C2CD2: variants seen among roughly 807,000 people sequenced by gnomAD.
C2CD2 encodes the protein C2 domain-containing protein 2.
Under a neutral mutation model 74.3 loss-of-function variants are expected in C2CD2, and 43 were observed. That is an observed-to-expected ratio of 0.58 (90% CI 0.45 to 0.75). The LOEUF (loss-of-function observed/expected upper bound fraction) is 0.75. Among genes scored for constraint, C2CD2 ranks in the 30% least tolerant of loss-of-function variants. The probability of loss-of-function intolerance (pLI) is 0.00; values close to 1 mark genes in which losing one functional copy is unlikely to be tolerated. For missense variants in C2CD2, 801 were observed against 916.3 expected, an observed-to-expected ratio of 0.87 and a Z score of 1.63; for synonymous variants, 422 against 390.7, an observed-to-expected ratio of 1.08 and a Z score of -0.94.
Position 41,921,992 on chromosome 21 carries a change from G to A in C2CD2, c.472C>T (p.Leu158Phe). ...GAGCRLYDMR[L>F]SPFHLQLEFH... ...TTTACCTGTAAATGGAAAGGGGAGA[G>A]CCGCATGTCGTACAGCCGGCATCCA... Residue 158 changes from leucine to phenylalanine, a missense_variant, in exon 3 of 14, where the codon CTC becomes TTC. Coordinates refer to ENST00000380486, the MANE Select transcript of C2CD2 (RefSeq NM_015500.2). 2.5e-6 allele frequency: 4 copies of A among 1,612,356 alleles called. No homozygotes were observed. Among genetic ancestry groups the A allele is most frequent in the Non-Finnish European group, 3.4e-6 (4 of 1,178,422 alleles).
chr21:41,941,172 T>C (rs973345116), intron 2 of C2CD2, among the ~76,000 whole-genome samples: 1 of 151,844 alleles, frequency 6.6e-6, no homozygotes, highest in African/African-American at 2.4e-5. Context: ...TTAGGCAACA[T>C]AGCAAGACCC....
chr21:41,920,840 T>G (rs1165903842), intron 3 of C2CD2, among the ~76,000 whole-genome samples: 3 of 152,278 alleles, frequency 2.0e-5, no homozygotes. Flanking sequence ...TCTTCATTTG[T>G]GTTTGTGATC....
rs2065178251 is a variant in C2CD2 at position 41,923,552 on chromosome 21, GA to G, written c.379-1468del. Reference sequence around the variant, plus strand: ...GTTTTCAAAAAGGTGGGAGTAATTGGAAAAACATACAAAGTATCAAACAATT... The same window carrying G: ...GTTTTCAAAAAGGTGGGAGTAATTGGAAAACATACAAAGTATCAAACAATT... On this transcript the variant is annotated intron_variant, in intron 2 of 13. Coordinates refer to ENST00000380486, the MANE Select transcript of C2CD2 (RefSeq NM_015500.2). This position sits in a 1 kb window ranked among gnomAD's most constrained non-coding sequence, Gnocchi z 5.8. Among the ~76,000 whole-genome samples the G allele has an allele frequency of 6.6e-6, 1 of 152,124 alleles. No individual in the cohort carries two copies. The highest frequency in any genetic ancestry group is 1.5e-5 in the Non-Finnish European group (1 of 68,014).
chr21:41,920,493 T>C (rs1003017195), intron 3 of C2CD2, among the ~76,000 whole-genome samples: 4 of 152,198 alleles, frequency 2.6e-5, no homozygotes, highest in African/African-American at 9.7e-5. Flanking sequence ...TTCATAACTG[T>C]CTCCAACCTG....
intron 2 of C2CD2, among the ~76,000 whole-genome samples, chr21:41,934,014 T>A (rs1024240343): frequency 2.0e-5 from 3 of 151,840 alleles, no homozygotes; most frequent in Admixed American, 6.6e-5. Flanking sequence ...AGCAGCCTCA[T>A]CCCAGCAGGC....
At chr21:41,891,913 G>A (rs1218258087) in intron 13 of C2CD2, among the ~76,000 whole-genome samples, 4 of 152,208 alleles carry the variant, frequency 2.6e-5, no homozygotes, top group African/African-American at 9.7e-5. Context: ...CTGCACTGAA[G>A]CTGGCCTGGC....
At chr21:41,922,989 A>G (rs2065171758) in intron 2 of C2CD2, among the ~76,000 whole-genome samples, 1 of 124,480 alleles carries the variant, frequency 8.0e-6, no homozygotes, top group South Asian at 3.0e-4. Flanking sequence ...CATGTAATAC[A>G]GTCTTTTTCC....
chr21:41,932,300 C>A (rs1443917671), intron 2 of C2CD2, among the ~76,000 whole-genome samples: 2 of 150,066 alleles, frequency 1.3e-5, no homozygotes, highest in African/African-American at 4.8e-5. Context: ...GCCTAAGCAT[C>A]CCTTCGATGT....
intron 1 of C2CD2, among the ~76,000 whole-genome samples, chr21:41,949,203 G>A (rs911761179): frequency 1.3e-5 from 2 of 152,196 alleles, no homozygotes; most frequent in Non-Finnish European, 2.9e-5. Flanking sequence ...GAGTCGAGGA[G>A]ACTGTAGGAC....
At chr21:41,948,985 A>C (rs1303194123) in intron 1 of C2CD2, among the ~76,000 whole-genome samples, 3 of 150,720 alleles carry the variant, frequency 2.0e-5, no homozygotes, top group Non-Finnish European at 4.4e-5. Flanking sequence ...GGACTAAAGA[A>C]ACAAACAGCG....
rs11347156 is a variant in C2CD2 at position 41,886,659 on chromosome 21, CTT to C, written c.*2463_*2464del. ...CATCTGGAAATGGAATAGTTAAAAC[CTT>C]TTTTTTTTTTTGAGAGCAAGAAGGC... On this transcript the variant is annotated 3_prime_UTR_variant, in exon 14 of 14. Coordinates refer to ENST00000380486, the MANE Select transcript of C2CD2 (RefSeq NM_015500.2). 249 of 147,108 alleles carry C rather than the reference CTT, an allele frequency of 1.7e-3. No homozygotes were observed. The highest frequency in any genetic ancestry group is 6.9e-3 in the Middle Eastern group (2 of 288). The allele number at this position is 147,108 out of a possible 1,614,324, so 9.1% of individuals were successfully genotyped here. A position where few individuals can be genotyped will look rare whatever the true frequency, so the allele number is the denominator to read the frequency against.
At chr21:41,902,643 C>G (rs1447291219) in intron 11 of C2CD2, among the ~76,000 whole-genome samples, 1 of 152,178 alleles carries the variant, frequency 6.6e-6, no homozygotes, top group Non-Finnish European at 1.5e-5. Flanking sequence ...ACTTCTGTCT[C>G]GGTTTTGGCC....
rs201100239 is a variant in C2CD2 at position 41,926,204 on chromosome 21, A to AT, written c.379-4120dup. Among the ~76,000 whole-genome samples the AT allele has an allele frequency of 2.6e-3, 394 of 152,286 alleles. 1 individual carries two copies. Among genetic ancestry groups the AT allele is most frequent in the Middle Eastern group, 0.014 (4 of 294 alleles). On this transcript the variant is annotated intron_variant, in intron 2 of 13. Coordinates refer to ENST00000380486, the MANE Select transcript of C2CD2 (RefSeq NM_015500.2). This position sits in a 1 kb window ranked among gnomAD's most constrained non-coding sequence, Gnocchi z 8.0. ...AACAACCAACCATCCCCCAACCTGC[A>AT]TTTTTTTGACATTTTTTTTCCCCAA...
intron 11 of C2CD2, among the ~76,000 whole-genome samples, chr21:41,905,446 T>C (rs2064949324): frequency 6.6e-6 from 1 of 151,854 alleles, no homozygotes; most frequent in Non-Finnish European, 1.5e-5. Context: ...GCCTCTTGAG[T>C]AGCTGGGATT....
chr21:41,889,430 G>A lies in C2CD2; in HGVS notation c.1871-86C>T. The stretch of plus-strand genomic sequence containing the variant: ...GTCCAATCGGACAAAGGGAAAAGGA[G>A]GCTCGAATGCCTCTAACGAAGGGCC... On this transcript the variant is annotated intron_variant, in intron 13 of 13. Coordinates refer to ENST00000380486, the MANE Select transcript of C2CD2 (RefSeq NM_015500.2). 9 of 891,138 alleles carry A rather than the reference G, an allele frequency of 1.0e-5. 1 individual carries two copies. Among genetic ancestry groups the A allele is most frequent in the Non-Finnish European group, 1.8e-6 (1 of 546,280 alleles). The allele number at this position is 891,138 out of a possible 1,614,324, so 55.2% of individuals were successfully genotyped here.
At chr21:41,947,112 T>TCTCTCTCTCTCTC (rs1555906757) in intron 1 of C2CD2, among the ~76,000 whole-genome samples, 9 of 26,214 alleles carry the variant, frequency 3.4e-4, no homozygotes, top group Admixed American at 1.1e-3. Flanking sequence ...CCTTTCTCTT[T>TCTCTCTCTCTCTC]TCTCTCTCTC....
At chr21:41,907,239 CTTCTTGTGAA>C in intron 9 of C2CD2, 73 bp from the exon 10 acceptor site, 1 of 1,167,626 alleles carries the variant, frequency 8.6e-7, no homozygotes, top group East Asian at 2.3e-5. Flanking sequence ...GTAACACTGC[CTTCTTGTGAA>C]ATAACCATAA....
chr21:41,894,718 A>G (rs148031336), intron 13 of C2CD2: 44 of 456,886 alleles, frequency 9.6e-5, no homozygotes, highest in Admixed American at 2.6e-4. Flanking sequence ...GACAGAGGCC[A>G]TTCCATTCCC....
intron 5 of C2CD2, among the ~76,000 whole-genome samples, 154 bp downstream of exon 5, chr21:41,917,951 C>A (rs1348644992): frequency 6.6e-6 from 1 of 152,198 alleles, no homozygotes; most frequent in Non-Finnish European, 1.5e-5. Context: ...CTTTATCCCA[C>A]ATCCACCATC....
Sources: allele counts gnomAD v4.1 joint callset (sites outside exome capture counted in the v4.1 genomes callset), GRCh38; gene constraint gnomAD v4.1.1; non-coding constraint Gnocchi (gnomAD v3.1); transcripts MANE v1.5; gene names NCBI Gene and HGNC (gene_info 2026-07-23, HGNC 2026-07-21).